P2RY14: variants seen among roughly 807,000 people sequenced by gnomAD.
The protein encoded by P2RY14 is P2Y purinoceptor 14.
A neutral mutation model predicts 0.9 loss-of-function variants in P2RY14; 2 were observed. That is an observed-to-expected ratio of 2.16 (90% CI 0.88 to 6.79). The LOEUF is 6.79. P2RY14 is among the 30% of genes most tolerant of loss of function. The pLI, the probability that P2RY14 is intolerant of heterozygous loss-of-function variation, is 0.05. For synonymous variants in P2RY14, 158 were observed against 147.2 expected, an observed-to-expected ratio of 1.07 and a Z score of -0.53; for missense variants, 378 against 400.1, an observed-to-expected ratio of 0.94 and a Z score of 0.47.
intron 2 of P2RY14, among the ~76,000 whole-genome samples, chr3:151,217,420 C>G (rs1195360486): frequency 6.6e-6 from 1 of 152,176 alleles, no homozygotes; most frequent in Non-Finnish European, 1.5e-5. Context: ...TGATATACAC[C>G]ATTCCCCTTC....
At chr3:151,225,504 G>A (rs1402124786) in intron 1 of P2RY14, among the ~76,000 whole-genome samples, 1 of 152,078 alleles carries the variant, frequency 6.6e-6, no homozygotes, top group Non-Finnish European at 1.5e-5. Context: ...TGCTCACGAG[G>A]CCTTTGCTAT....
chr3:151,274,508 A>G (rs1047493365), intron 1 of P2RY14, among the ~76,000 whole-genome samples: 4 of 152,244 alleles, frequency 2.6e-5, no homozygotes, highest in African/African-American at 4.8e-5. Context: ...CAGGAGAGAA[A>G]GAACATTCAA....
intron 1 of P2RY14, among the ~76,000 whole-genome samples, chr3:151,247,711 T>C (rs898468999): frequency 1.3e-5 from 2 of 148,180 alleles, no homozygotes; most frequent in African/African-American, 5.0e-5. Context: ...TGTATACATA[T>C]GTAACTAACC....
At chr3:151,237,389 G>A (rs1281783936) in intron 1 of P2RY14, among the ~76,000 whole-genome samples, 4 of 113,992 alleles carry the variant, frequency 3.5e-5, no homozygotes, top group Admixed American at 1.2e-4. Context: ...TACTCTTGTC[G>A]CCCAAGCTGG....
intron 1 of P2RY14, among the ~76,000 whole-genome samples, chr3:151,250,647 C>T (rs1246086352): frequency 2.0e-5 from 3 of 152,122 alleles, no homozygotes; most frequent in African/African-American, 7.2e-5. Context: ...TATGTATATA[C>T]CACATTTTGT....
intron 1 of P2RY14, among the ~76,000 whole-genome samples, chr3:151,235,336 T>C (rs1732517929): frequency 1.3e-5 from 2 of 152,138 alleles, no homozygotes; most frequent in African/African-American, 4.8e-5. Flanking sequence ...AAGCTCTGCA[T>C]AAGAGTAGCA....
chr3:151,276,083 AAGG>A (rs1741803419), intron 1 of P2RY14, among the ~76,000 whole-genome samples: 2 of 152,230 alleles, frequency 1.3e-5, no homozygotes, highest in African/African-American at 4.8e-5. Flanking sequence ...TTGAGATAGA[AAGG>A]AGGCACTATT....
At position 151,275,700 on chromosome 3, in the gene P2RY14, G is replaced by A. The variant is rs143240799; in HGVS notation, c.-133+2587C>T. ...GCTAGGGAGGAAAAGAAAATTCCCT[G>A]TAAAGAAGAACCAGAAAATTTAGTA... On this transcript the variant is annotated intron_variant, in intron 1 of 2. Transcript: ENST00000309170. 5.0e-3 allele frequency among the ~76,000 whole-genome samples: 768 copies of A among 152,236 alleles called. 12 individuals carry two copies. The highest frequency in any genetic ancestry group is 0.017 in the African/African-American group (716 of 41,546).
intron 1 of P2RY14, among the ~76,000 whole-genome samples, chr3:151,253,932 T>A (rs1737307178): frequency 6.6e-6 from 1 of 152,062 alleles, no homozygotes; most frequent in South Asian, 2.1e-4. Context: ...CACTACTTTT[T>A]TTTTCTTCTT....
intron 1 of P2RY14, among the ~76,000 whole-genome samples, chr3:151,258,197 G>A (rs1013614998): frequency 1.3e-5 from 2 of 152,186 alleles, no homozygotes; most frequent in Admixed American, 1.3e-4. Flanking sequence ...CTGTGAGATG[G>A]ATTAGAAAGA....
chr3:151,264,022 G>C (rs1290157212), intron 1 of P2RY14, among the ~76,000 whole-genome samples: 1 of 152,164 alleles, frequency 6.6e-6, no homozygotes, highest in East Asian at 1.9e-4. Flanking sequence ...GTATATCATG[G>C]TGACTTTTCC....
intron 1 of P2RY14, among the ~76,000 whole-genome samples, chr3:151,267,193 A>G (rs1740007153): frequency 6.6e-6 from 1 of 152,220 alleles, no homozygotes; most frequent in Admixed American, 6.5e-5. Context: ...TTATGACAGT[A>G]TTCCTTACTG....
At chr3:151,275,054 C>T (rs922081451) in intron 1 of P2RY14, among the ~76,000 whole-genome samples, 2 of 152,190 alleles carry the variant, frequency 1.3e-5, no homozygotes, top group African/African-American at 4.8e-5. Context: ...ACATCAGCAA[C>T]AGGTGAGTTC....
At chr3:151,271,428 A>T (rs1476847933) in intron 1 of P2RY14, among the ~76,000 whole-genome samples, 1 of 152,224 alleles carries the variant, frequency 6.6e-6, no homozygotes, top group Non-Finnish European at 1.5e-5. Context: ...TAGTAAATCT[A>T]CTTTGAATAA....
At chr3:151,222,514 A>G (rs943400701) in intron 1 of P2RY14, among the ~76,000 whole-genome samples, 2 of 152,068 alleles carry the variant, frequency 1.3e-5, no homozygotes, top group Admixed American at 6.5e-5. Context: ...GTGATAGTGG[A>G]TGGGTCTCAT....
intron 1 of P2RY14, among the ~76,000 whole-genome samples, chr3:151,240,036 AC>A (rs1468775133): frequency 2.3e-5 from 1 of 43,238 alleles, no homozygotes; most frequent in Non-Finnish European, 4.1e-5. Flanking sequence ...TCTTTCTCCC[AC>A]CTTTTTTTTT....
At chr3:151,250,800 G>T (rs1223228789) in intron 1 of P2RY14, among the ~76,000 whole-genome samples, 1 of 152,162 alleles carries the variant, frequency 6.6e-6, no homozygotes, top group Admixed American at 6.5e-5. Flanking sequence ...AAAATTGCTG[G>T]ATCATGTGGT....
chr3:151,265,357 C>T (rs772557448), intron 1 of P2RY14, among the ~76,000 whole-genome samples: 5 of 152,272 alleles, frequency 3.3e-5, no homozygotes, highest in East Asian at 1.9e-4. Flanking sequence ...CCAGCACAGA[C>T]GTGGAATTTC....
rs559275008 is a variant in P2RY14 at position 151,212,339 on chromosome 3, G to A, written c.*961C>T. 6.6e-6 allele frequency: 1 copy of A among 152,258 alleles called. No homozygotes were observed. Among genetic ancestry groups the A allele is most frequent in the East Asian group, 1.9e-4 (1 of 5,180 alleles). 9.4% of individuals were successfully genotyped at this position (152,258 alleles called of 1,614,324 possible). A position where few individuals can be genotyped will look rare whatever the true frequency, so the allele number is the denominator to read the frequency against. On this transcript the variant is annotated 3_prime_UTR_variant, in exon 3 of 3. Coordinates refer to ENST00000309170, the MANE Select transcript of P2RY14 (RefSeq NM_014879.4). ...TCTGTTTTCCAGAAAAATGTGATGT[G>A]TGAATTTTCATTTTATGTGTTATTT...
Sources: allele counts gnomAD v4.1 joint callset (sites outside exome capture counted in the v4.1 genomes callset), GRCh38; gene constraint gnomAD v4.1.1; transcripts MANE v1.5; gene names NCBI Gene and HGNC (gene_info 2026-07-23, HGNC 2026-07-21).